The following ARHGAP9 variants were observed in gnomAD, a reference collection of about 807,000 sequenced individuals.
ARHGAP9 encodes the protein rho GTPase-activating protein 9.
Under a neutral mutation model 87.3 loss-of-function variants are expected in ARHGAP9, and 76 were observed. The observed-to-expected ratio is 0.87, with a 90% CI of 0.72 to 1.05. The LOEUF (loss-of-function observed/expected upper bound fraction) is 1.05, where lower values mean the gene tolerates loss of function less well. Ranked by LOEUF, ARHGAP9 falls within the 50% of genes least tolerant of loss-of-function variation. The pLI is 0.00. For synonymous variants in ARHGAP9, 382 were observed against 394.9 expected (o/e 0.97, Z 0.39); for missense variants, 941 against 960.5 (o/e 0.98, Z 0.27).
At chr12:57,478,071 A>C (rs1594788284) in intron 3 of ARHGAP9, 1 of 693,650 alleles carries the variant, frequency 1.4e-6, no homozygotes, top group Non-Finnish European at 2.0e-6. Context: ...CTTTCCACCC[A>C]CGGTTAAGAA....
At chr12:57,473,948 G>A in intron 16 of ARHGAP9, 94 bp downstream of exon 16, 1 of 1,468,316 alleles carries the variant, frequency 6.8e-7, no homozygotes, top group Non-Finnish European at 9.0e-7. Flanking sequence ...TCTAAAGTCA[G>A]AATGGGAAAG....
rs757876238 is a variant in ARHGAP9, at chr12:57,474,132, C to T, written c.1828G>A (p.Val610Met). 2 of 1,614,222 alleles carry T rather than the reference C, an allele frequency of 1.2e-6. No individual in the cohort carries two copies. The highest frequency in any genetic ancestry group is 2.2e-5 in the South Asian group (2 of 91,088). The stretch of plus-strand genomic sequence containing the variant: ...AAAAGCTTCAGGGCTCCGGTGACCA[C>T]ATGAATGTCATCCCACTCAGTACTG... ...LDSTEWDDIH[V>M]VTGALKLFLR... The change falls in exon 16 of 18, where the codon GTG becomes ATG. Residue 610 changes from valine to methionine, a missense_variant. Transcript: ENST00000393791.
chr12:57,475,219 C>A, intron 12 of ARHGAP9, 72 bp downstream of exon 12: 1 of 1,437,304 alleles, frequency 7.0e-7, no homozygotes, highest in South Asian at 1.3e-5. Flanking sequence ...AGGTTGTGGT[C>A]TAGTTCTGGG....
rs1873181833 is a variant in ARHGAP9 at position 57,475,359 on chromosome 12, T to C, written c.1484A>G (p.Asn495Ser). ...CTTCGCGATGAGCCGCTTTAGTTTG[T>C]TGCGCACGCGGTTCTGCTCGGTGCC... ...PEGTEQNRVR[N>S]KLKRLIAKRP... Residue 495 changes from asparagine to serine, a missense_variant, in exon 12 of 18, where the codon AAC becomes AGC. Asn to Ser is a conservative substitution (Grantham distance 46). Transcript: ENST00000393791. 1.9e-6 allele frequency: 3 copies of C among 1,603,278 alleles called. No individual in the cohort carries two copies. The highest frequency in any genetic ancestry group is 1.3e-5 in the African/African-American group (1 of 74,832).
Position 57,476,417 on chromosome 12 carries a change from T to C in ARHGAP9, c.1063A>G (p.Asn355Asp), listed in dbSNP as rs1873702228. The stretch of plus-strand genomic sequence containing the variant: ...GGCTCTCGGTAGAACACCAGGCTGT[T>C]ACCCGTTAACACCACCCAAGACGGG... ...WGPSWVVLTG[N>D]SLVFYREPPP... The change falls in exon 8 of 18, where the codon AAC (asparagine) becomes GAC (aspartate). Residue 355 changes from asparagine (N) to aspartate (D), a missense_variant. By Grantham distance (23) the Asn-to-Asp change is conservative (BLOSUM62 1). Transcript: ENST00000393791. The C allele has an allele frequency of 6.2e-7, 1 of 1,613,970 alleles. No individual in the cohort carries two copies. The highest frequency in any genetic ancestry group is 8.5e-7 in the Non-Finnish European group (1 of 1,180,018).
chr12:57,488,114 C>A, intron 1 of ARHGAP9: 1 of 1,614,160 alleles, frequency 6.2e-7, no homozygotes, highest in Non-Finnish European at 8.5e-7. Flanking sequence ...TGAGTGATGG[C>A]GTCCCGGGTT....
chr12:57,475,419 GGGGCGTGAGCGCCCGGGA>G (rs1565614340), intron 11 of ARHGAP9, 21 bp from the exon 12 acceptor site: 4 of 1,582,824 alleles, frequency 2.5e-6, no homozygotes, highest in Non-Finnish European at 3.4e-6. Flanking sequence ...CAGGTAGAGC[GGGGCGTGAGCGCCCGGGA>G]GCCTCGCTGC....
rs532193796 is a variant in ARHGAP9, at chr12:57,472,569, G to A, written c.2144C>T (p.Pro715Leu). 1 of 1,614,222 alleles carries A rather than the reference G, an allele frequency of 6.2e-7. No homozygotes were observed. The highest frequency in any genetic ancestry group is 1.1e-5 in the South Asian group (1 of 91,084). The change falls in exon 18 of 18, where the codon CCA becomes CTA. Residue 715 changes from proline to leucine, a missense_variant. Pro to Leu is a moderately conservative substitution (Grantham distance 98, BLOSUM62 -3). Transcript: ENST00000393791. ...TSDPAAHALY[P>L]GQLVQLMLTN... ...GAGCATCAGCTGGACCAGCTGCCCT[G>A]GGTAGAGAGCATGGGCTGCTGGGTC... is the stretch of plus-strand genomic sequence containing the variant.
At chr12:57,482,244 ATT>A (rs755969588), upstream of ARHGAP9, among the ~76,000 whole-genome samples, 1 of 145,620 alleles carries the variant, frequency 6.9e-6, no homozygotes, top group Non-Finnish European at 1.5e-5. Flanking sequence ...TACAAAAAAA[ATT>A]TTTTTTTTTT....
intron 1 of ARHGAP9, chr12:57,488,399 C>G (rs753558192): frequency 6.8e-6 from 5 of 733,160 alleles, no homozygotes; most frequent in Non-Finnish European, 8.9e-6. Context: ...CAATATAATA[C>G]CCTTCCCTTA....
At chr12:57,479,692 G>A (rs1874798227) in intron 1 of ARHGAP9, 38 bp downstream of exon 1, 1 of 1,550,920 alleles carries the variant, frequency 6.4e-7, no homozygotes, top group Non-Finnish European at 8.7e-7. Context: ...CAGGAAATTA[G>A]AGGAGATGAC....
At chr12:57,482,172 G>A (rs1056041497), upstream of ARHGAP9, among the ~76,000 whole-genome samples, 3 of 152,074 alleles carry the variant, frequency 2.0e-5, no homozygotes, top group Admixed American at 6.6e-5. Context: ...ACTTTGGGAG[G>A]CCAAGGCAGA....
intron 1 of ARHGAP9, chr12:57,488,265 CA>C: frequency 1.3e-6 from 2 of 1,481,688 alleles, no homozygotes; most frequent in Non-Finnish European, 1.9e-6. Context: ...AGATTCTCTG[CA>C]GCTGTCTTTG....
rs371243927 is a variant in ARHGAP9 at position 57,472,606 on chromosome 12, G to A, written c.2107C>T (p.Gln703Ter). The change falls in exon 18 of 18, where the codon CAG becomes TAG. Residue 703 changes from glutamine (Q) to a stop codon, truncating the protein, a stop_gained. Transcript: ENST00000393791. LOFTEE classifies it high-confidence loss of function. ...VFGPTLFRPE[Q>*]ETSDPAAHAL... ...TGGGCTGCTGGGTCAGATGTCTCCT[G>A]CTCTGGCCGAAACAGGGTTGGTCCA... The A allele has an allele frequency of 1.9e-6, 3 of 1,614,128 alleles. No individual in the cohort carries two copies. The highest frequency in any genetic ancestry group is 3.3e-5 in the Admixed American group (2 of 60,012).
At chr12:57,483,539 C>T (rs1052258924), upstream of ARHGAP9, among the ~76,000 whole-genome samples, 4 of 152,176 alleles carry the variant, frequency 2.6e-5, no homozygotes, top group Non-Finnish European at 4.4e-5. Flanking sequence ...TACAGATTCC[C>T]TCTCTACACT....
chr12:57,473,399 C>T (rs1336454233), intron 17 of ARHGAP9, among the ~76,000 whole-genome samples: 6 of 151,758 alleles, frequency 4.0e-5, no homozygotes, highest in Non-Finnish European at 5.9e-5. Flanking sequence ...GGTGACAGAG[C>T]GAGACTCTGT....
At chr12:57,488,783 C>A (rs1875677508) in exon 1 of ARHGAP9, 8 of 930,122 alleles carry the variant, frequency 8.6e-6, no homozygotes, top group Non-Finnish European at 8.4e-6. Context: ...ATACCACCAC[C>A]TCCTCTGCAG....
At chr12:57,486,458 A>G (rs1875405228) in intron 1 of ARHGAP9, among the ~76,000 whole-genome samples, 2 of 151,780 alleles carry the variant, frequency 1.3e-5, no homozygotes, top group Admixed American at 1.3e-4. Context: ...TCACTAAAGA[A>G]GGGGTTTCAC....
chr12:57,473,729 G>A (rs74511835), intron 16 of ARHGAP9, 21 bp from the exon 17 acceptor site: 45,814 of 1,602,534 alleles, frequency 0.029, 810 homozygotes, highest in Non-Finnish European at 0.034. Context: ...TGATGGGAAA[G>A]GCATGGTAGT....
Sources: gnomAD v4.1 joint callset for allele counts (sites outside exome capture counted in the v4.1 genomes callset) on GRCh38, gnomAD v4.1.1 for gene constraint, MANE v1.5 for transcripts, NCBI Gene and HGNC (gene_info 2026-07-23, HGNC 2026-07-21) for gene names.